Variants in CACUL1 observed in about 807,000 individuals in gnomAD.
The protein encoded by CACUL1 is CDK2 associated cullin domain 1.
CACUL1 carries 13 observed loss-of-function variants against 45.2 expected under a neutral mutation model. The ratio of observed to expected loss-of-function variants is 0.29; its 90% CI spans 0.19 to 0.46. CACUL1 has a LOEUF of 0.46. Among genes scored for constraint, CACUL1 ranks in the 20% least tolerant of loss-of-function variants. The probability of loss-of-function intolerance (pLI) is 1.00; values close to 1 mark genes in which losing one functional copy is unlikely to be tolerated. For missense variants in CACUL1, 421 were observed against 471.4 expected, an observed-to-expected ratio of 0.89 and a Z score of 0.99; for synonymous variants, 197 against 174.2, an observed-to-expected ratio of 1.13 and a Z score of -1.03.
At chr10:118,720,469 C>A (rs1845589302) in intron 3 of CACUL1, among the ~76,000 whole-genome samples, 1 of 152,156 alleles carries the variant, frequency 6.6e-6, no homozygotes, top group Non-Finnish European at 1.5e-5. Context: ...ACTTAAATTA[C>A]ACAGTTTGGT....
chr10:118,746,833 AC>A (rs1845847368), intron 1 of CACUL1, among the ~76,000 whole-genome samples: 1 of 152,232 alleles, frequency 6.6e-6, no homozygotes. Context: ...GAAAAAGCCA[AC>A]GGCACATGTA....
intron 3 of CACUL1, among the ~76,000 whole-genome samples, chr10:118,724,609 A>G (rs1253265743): frequency 1.3e-5 from 2 of 152,212 alleles, no homozygotes; most frequent in East Asian, 3.8e-4. Context: ...ACAAGAAAGT[A>G]TGTCTATCAA....
intron 1 of CACUL1, among the ~76,000 whole-genome samples, chr10:118,735,231 T>C (rs1564837645): frequency 6.6e-6 from 1 of 152,264 alleles, no homozygotes. Context: ...TGATTTCACA[T>C]AGGCTAAAGC....
intron 7 of CACUL1, 31 bp downstream of exon 7, chr10:118,691,234 T>C (rs763404131): frequency 2.5e-6 from 4 of 1,595,038 alleles, no homozygotes; most frequent in African/African-American, 1.4e-5. Flanking sequence ...ATGGACATAT[T>C]TGACCACTAA....
chr10:118,691,280 T>C lies in CACUL1; in HGVS notation c.1010A>G (p.Gln337Arg), dbSNP rs1395921467. Residue 337 changes from glutamine (Q) to arginine (R), a missense_variant, in exon 7 of 9, where the codon CAG becomes CGG. Physicochemically the swap from Gln to Arg is conservative, Grantham distance 43. Transcript: ENST00000369151. The part of the protein sequence containing the change: ...QDQKFQRELI[Q>R]NGFTRGDQSR... ...AACAACTTGCCTTGTAAAACCATTC[T>C]GTATAAGTTCTCTTTGAAATTTCTG... 1.2e-6 allele frequency: 2 copies of C among 1,612,360 alleles called. No homozygotes were observed. Among genetic ancestry groups the C allele is most frequent in the Admixed American group, 3.4e-5 (2 of 59,678 alleles).
intron 1 of CACUL1, among the ~76,000 whole-genome samples, chr10:118,744,970 A>G (rs929783614): frequency 3.9e-5 from 6 of 152,164 alleles, no homozygotes; most frequent in African/African-American, 9.7e-5. Context: ...AACTTTTAAA[A>G]AAAGATACGT....
In CACUL1 at chr10:118,702,443, G is replaced by C. The variant is rs141858080; in HGVS notation, c.694-1035C>G. 3.1e-3 allele frequency among the ~76,000 whole-genome samples: 468 copies of C among 152,096 alleles called. 2 individuals are homozygous for C. The highest frequency in any genetic ancestry group is 0.011 in the African/African-American group (449 of 41,482). On this transcript the variant is annotated intron_variant, in intron 4 of 8. Coordinates refer to ENST00000369151, the MANE Select transcript of CACUL1 (RefSeq NM_153810.5). The stretch of plus-strand genomic sequence containing the variant: ...TTGAACCACAGATTCAACCAACCCT[G>C]GACACAGCCTTATTTCTGGAGTTTT...
intron 1 of CACUL1, among the ~76,000 whole-genome samples, chr10:118,753,452 TTAA>T (rs767399355): frequency 3.9e-5 from 6 of 152,144 alleles, no homozygotes; most frequent in Non-Finnish European, 7.3e-5. Flanking sequence ...AAACTTGCAG[TTAA>T]TAATAGGAGA....
chr10:118,713,255 G>C (rs757895353), intron 3 of CACUL1, among the ~76,000 whole-genome samples: 14 of 152,238 alleles, frequency 9.2e-5, no homozygotes, highest in South Asian at 2.1e-4. Flanking sequence ...ACAACTTGGA[G>C]AAGCCAGGCA....
At chr10:118,726,223 T>TA in intron 3 of CACUL1, 1 of 908,800 alleles carries the variant, frequency 1.1e-6, no homozygotes, top group Non-Finnish European at 1.6e-6. Flanking sequence ...CTCTATAAAA[T>TA]AAAGATTACA....
chr10:118,686,194 A>G, intron 8 of CACUL1, 26 bp from the exon 9 acceptor site: 1 of 1,594,104 alleles, frequency 6.3e-7, no homozygotes, highest in South Asian at 1.1e-5. Flanking sequence ...AATAGGAAAA[A>G]GTATGAAGAG....
At chr10:118,730,159 T>G in intron 2 of CACUL1, 125 bp downstream of exon 2, 1 of 1,057,760 alleles carries the variant, frequency 9.5e-7, no homozygotes, top group Non-Finnish European at 1.4e-6. Context: ...AAGTGTGGAA[T>G]ACATAAAACA....
In CACUL1 at chr10:118,754,819, C is replaced by T. The variant is rs369700349; in HGVS notation, c.-57G>A. ...AGGCACCTGCCGCCTGTCTCAACCC[C>T]GGGCCAGCGGGCACCGCTGCCTCCC... On this transcript the variant is annotated 5_prime_UTR_variant, in exon 1 of 9. Transcript: ENST00000369151. 45 of 1,500,560 alleles carry T rather than the reference C, an allele frequency of 3.0e-5. No individual in the cohort carries two copies. The highest frequency in any genetic ancestry group is 2.0e-4 in the East Asian group (8 of 40,138). The allele number at this position is 1,500,560 out of a possible 1,614,324, so 93.0% of individuals were successfully genotyped here.
At chr10:118,700,516 G>A (rs1472711610) in intron 5 of CACUL1, among the ~76,000 whole-genome samples, 6 of 152,080 alleles carry the variant, frequency 3.9e-5, no homozygotes, top group African/African-American at 1.2e-4. Context: ...AAAAGATTGA[G>A]ACCATCCTGG....
At chr10:118,732,192 A>T (rs1845703599) in intron 1 of CACUL1, among the ~76,000 whole-genome samples, 2 of 152,304 alleles carry the variant, frequency 1.3e-5, no homozygotes, top group Middle Eastern at 3.4e-3. Context: ...CTGTGAGCTG[A>T]TATGGGGTTG....
At chr10:118,753,780 T>C (rs1845923707) in intron 1 of CACUL1, among the ~76,000 whole-genome samples, 2 of 152,246 alleles carry the variant, frequency 1.3e-5, no homozygotes, top group African/African-American at 4.8e-5. Flanking sequence ...AGTGATTTTA[T>C]GCATTATTAG....
At chr10:118,741,584 T>G (rs1166050310) in intron 1 of CACUL1, among the ~76,000 whole-genome samples, 1 of 152,124 alleles carries the variant, frequency 6.6e-6, no homozygotes, top group Non-Finnish European at 1.5e-5. Flanking sequence ...CTTCCTTTCC[T>G]CACCCCCAAA....
At chr10:118,691,220 G>A (rs1845262208) in intron 7 of CACUL1, 45 bp downstream of exon 7, 7 of 1,561,436 alleles carry the variant, frequency 4.5e-6, no homozygotes, top group Non-Finnish European at 5.2e-6. Flanking sequence ...ACTGGCCTAG[G>A]GAAATGGACA....
chr10:118,751,708 G>C (rs1218410701), intron 1 of CACUL1, among the ~76,000 whole-genome samples: 1 of 152,104 alleles, frequency 6.6e-6, no homozygotes, highest in African/African-American at 2.4e-5. Context: ...ATAAATTTTA[G>C]ACTTAGGCTA....
Sources: gnomAD v4.1 joint callset for allele counts (sites outside exome capture counted in the v4.1 genomes callset) on GRCh38, gnomAD v4.1.1 for gene constraint, MANE v1.5 for transcripts, NCBI Gene and HGNC (gene_info 2026-07-23, HGNC 2026-07-21) for gene names.